The following SETD7 variants were observed in gnomAD, a reference collection of about 807,000 sequenced individuals.
The protein encoded by SETD7 is histone-lysine N-methyltransferase SETD7.
In SETD7, 16 loss-of-function variants were observed where a neutral mutation model predicts 41.8. The ratio of observed to expected loss-of-function variants is 0.38; its 90% CI spans 0.26 to 0.58. The LOEUF (loss-of-function observed/expected upper bound fraction) is 0.58. Ranked by LOEUF, SETD7 falls within the 20% of genes least tolerant of loss-of-function variation. The pLI, the probability that SETD7 is intolerant of heterozygous loss-of-function variation, is 0.64. For synonymous variants in SETD7, 163 were observed against 169.7 expected (o/e 0.96, Z 0.31); for missense variants, 346 against 459.7 (o/e 0.75, Z 2.26).
intron 1 of SETD7, among the ~76,000 whole-genome samples, chr4:139,551,385 C>T (rs1239097063): frequency 6.6e-6 from 1 of 152,170 alleles, no homozygotes; most frequent in Non-Finnish European, 1.5e-5. Flanking sequence ...TAAATATTTA[C>T]AGAAGTTAGA....
At position 139,555,184 on chromosome 4, in the gene SETD7, A is replaced by AC. The variant is rs1243189856; in HGVS notation, c.40+913_40+914insG. Among the ~76,000 whole-genome samples, 8 of 99,794 alleles carry AC rather than the reference A, an allele frequency of 8.0e-5. No homozygotes were observed. The highest frequency in any genetic ancestry group is 2.7e-4 in the African/African-American group (6 of 22,230). 65.5% of individuals were successfully genotyped at this position (99,794 alleles called of 152,430 possible). A position where few individuals can be genotyped will look rare whatever the true frequency, so the allele number is the denominator to read the frequency against. On this transcript the variant is annotated intron_variant, in intron 1 of 7. Transcript: ENST00000274031. The surrounding 1 kb of genome is among the most constrained non-coding windows in gnomAD (Gnocchi z 4.0). ...CCACATCGTTTTTTCAGAACTAACA[A>AC]AAAAAAAAAAAAAAAGGTGGAGAAA...
chr4:139,542,113 C>G (rs183436343), intron 2 of SETD7, among the ~76,000 whole-genome samples: 16 of 152,262 alleles, frequency 1.1e-4, no homozygotes, highest in African/African-American at 3.4e-4. Flanking sequence ...TAGAGGACAT[C>G]ATGTAAAGTG....
intron 2 of SETD7, among the ~76,000 whole-genome samples, chr4:139,543,825 G>A (rs1165887235): frequency 5.5e-5 from 8 of 144,432 alleles, no homozygotes; most frequent in East Asian, 2.2e-4. Context: ...TTAGCCGGGC[G>A]TGGTGGTGGG....
chr4:139,520,587 CTT>C (rs1263614714), intron 5 of SETD7, among the ~76,000 whole-genome samples, 193 bp from the exon 6 acceptor site: 1 of 152,138 alleles, frequency 6.6e-6, no homozygotes, highest in African/African-American at 2.4e-5. Context: ...AGTTATGTCT[CTT>C]TTAGGAGTGG....
chr4:139,542,105 G>A (rs987493841), intron 2 of SETD7, among the ~76,000 whole-genome samples: 1 of 152,172 alleles, frequency 6.6e-6, no homozygotes, highest in Non-Finnish European at 1.5e-5. Flanking sequence ...AATGATCCTA[G>A]AGGACATCAT....
chr4:139,535,131 T>TA (rs902591127), intron 2 of SETD7, among the ~76,000 whole-genome samples: 42 of 149,604 alleles, frequency 2.8e-4, no homozygotes, highest in African/African-American at 8.6e-4. Flanking sequence ...CTCCCACAAT[T>TA]AAAAAAAAAA....
intron 5 of SETD7, among the ~76,000 whole-genome samples, chr4:139,520,947 G>A (rs1443549284): frequency 6.6e-6 from 1 of 152,208 alleles, no homozygotes; most frequent in Non-Finnish European, 1.5e-5. Flanking sequence ...TCTGGCTGCT[G>A]CTCATTTTTG....
At chr4:139,546,589 A>C in intron 2 of SETD7, 1 of 360,538 alleles carries the variant, frequency 2.8e-6, no homozygotes, top group Non-Finnish European at 5.3e-6. Context: ...GACTTCAGGG[A>C]GATGCGCTAC....
At chr4:139,530,550 T>C (rs181930260) in intron 3 of SETD7, among the ~76,000 whole-genome samples, 106 of 152,356 alleles carry the variant, frequency 7.0e-4, no homozygotes, top group Admixed American at 2.4e-3. Context: ...TGATACTTCC[T>C]GCAAGATCTG....
intron 1 of SETD7, among the ~76,000 whole-genome samples, chr4:139,553,635 T>C (rs373233579): frequency 5.3e-5 from 8 of 152,300 alleles, no homozygotes; most frequent in African/African-American, 1.9e-4. Context: ...ATTAGGATAA[T>C]ATTAGTACCC....
intron 2 of SETD7, among the ~76,000 whole-genome samples, chr4:139,539,149 C>A (rs2725790): frequency 6.6e-6 from 1 of 151,948 alleles, no homozygotes; most frequent in Non-Finnish European, 1.5e-5. Context: ...GGTTTTGGAC[C>A]TTCCGCCTCC....
chr4:139,519,984 T>C (rs911670986), intron 6 of SETD7, among the ~76,000 whole-genome samples: 6 of 152,162 alleles, frequency 3.9e-5, no homozygotes, highest in Admixed American at 3.9e-4. Flanking sequence ...AGGTCATGAG[T>C]TAGTTATTTA....
chr4:139,549,870 C>G (rs1053195568), intron 1 of SETD7, among the ~76,000 whole-genome samples: 3 of 152,066 alleles, frequency 2.0e-5, no homozygotes, highest in Non-Finnish European at 4.4e-5. Flanking sequence ...CTCCGCCTCC[C>G]GGGTGCAAGC....
intron 2 of SETD7, among the ~76,000 whole-genome samples, chr4:139,545,189 CT>C (rs368265854): frequency 0.032 from 4,730 of 148,398 alleles, 260 homozygotes; most frequent in African/African-American, 0.11. Flanking sequence ...GTGATACCAA[CT>C]TTTTTTTTTT....
intron 4 of SETD7, among the ~76,000 whole-genome samples, chr4:139,528,495 T>C (rs7658323): frequency 0.13 from 19,117 of 152,246 alleles, 1,363 homozygotes; most frequent in East Asian, 0.36. Flanking sequence ...ATTATATACC[T>C]AGGCCCTTTG....
chr4:139,495,580 G>A (rs1726438796), downstream of SETD7, among the ~76,000 whole-genome samples: 1 of 152,132 alleles, frequency 6.6e-6, no homozygotes, highest in Non-Finnish European at 1.5e-5. Flanking sequence ...AGAGAGCAGG[G>A]GAAGCTGCCA....
At position 139,507,085 on chromosome 4, in the gene SETD7, A is replaced by G. The variant is rs1726722710; in HGVS notation, c.*4578T>C. 1 of 152,624 alleles carries G rather than the reference A, an allele frequency of 6.6e-6. No homozygotes were observed. The highest frequency in any genetic ancestry group is 2.4e-5 in the African/African-American group (1 of 41,450). The allele number at this position is 152,624 out of a possible 1,614,324, so 9.5% of individuals were successfully genotyped here. On this transcript the variant is annotated 3_prime_UTR_variant, in exon 8 of 8. Transcript: ENST00000274031. ...ACCCTGGGGTCTCAACCCCAACTCC[A>G]CTGAGGGCAGCCTCCCTGACGTGTG... is the stretch of plus-strand genomic sequence containing the variant.
chr4:139,495,026 G>C (rs1726428502), downstream of SETD7, among the ~76,000 whole-genome samples: 1 of 152,180 alleles, frequency 6.6e-6, no homozygotes, highest in Non-Finnish European at 1.5e-5. Context: ...ATTTTAAGCA[G>C]TAAGTATTTA....
At chr4:139,553,142 G>A (rs1010866320) in intron 1 of SETD7, among the ~76,000 whole-genome samples, 10 of 152,206 alleles carry the variant, frequency 6.6e-5, no homozygotes, top group East Asian at 1.9e-4. Flanking sequence ...CACAGCCTCC[G>A]CCACTCCCCT....
Sources: allele counts gnomAD v4.1 joint callset (sites outside exome capture counted in the v4.1 genomes callset), GRCh38; gene constraint gnomAD v4.1.1; non-coding constraint Gnocchi (gnomAD v3.1); transcripts MANE v1.5; gene names NCBI Gene and HGNC (gene_info 2026-07-23, HGNC 2026-07-21).